The following MEI4 variants were observed in gnomAD, a reference collection of about 807,000 sequenced individuals.
The protein encoded by MEI4 is meiosis-specific protein MEI4.
A neutral mutation model predicts 31.4 loss-of-function variants in MEI4; 27 were observed. The observed-to-expected ratio is 0.86, with a 90% CI of 0.63 to 1.19. MEI4 has a LOEUF of 1.19. Ranked by LOEUF, MEI4 falls within the 50% of genes most tolerant of loss-of-function variation. The probability of loss-of-function intolerance (pLI) is 0.00; values close to 1 mark genes in which losing one functional copy is unlikely to be tolerated. For synonymous variants in MEI4, 122 were observed against 145.4 expected (o/e 0.84, Z 1.16); for missense variants, 329 against 398.9 (o/e 0.82, Z 1.49).
At chr6:77,700,575 C>G (rs1329277611) in intron 2 of MEI4, among the ~76,000 whole-genome samples, 2 of 152,188 alleles carry the variant, frequency 1.3e-5, no homozygotes, top group Non-Finnish European at 2.9e-5. Flanking sequence ...TGCTTCGGCT[C>G]ACATACGGTG....
chr6:77,804,731 G>A (rs909049639), intron 3 of MEI4, among the ~76,000 whole-genome samples: 1 of 152,082 alleles, frequency 6.6e-6, no homozygotes, highest in Non-Finnish European at 1.5e-5. Flanking sequence ...AAATATCTAC[G>A]TGATGGAGTT....
chr6:77,672,780 CA>C (rs1243776364), intron 1 of MEI4, among the ~76,000 whole-genome samples: 1 of 152,226 alleles, frequency 6.6e-6, no homozygotes, highest in Admixed American at 6.5e-5. Flanking sequence ...CCTCGTGATC[CA>C]CCTGCCTCAG....
intron 2 of MEI4, among the ~76,000 whole-genome samples, chr6:77,698,998 C>G (rs1276596480): frequency 6.6e-6 from 1 of 151,874 alleles, no homozygotes; most frequent in Non-Finnish European, 1.5e-5. Context: ...AACTTCCCTT[C>G]TCGCTTCATT....
chr6:77,808,383 T>A (rs1406796768), intron 3 of MEI4, among the ~76,000 whole-genome samples: 2 of 152,098 alleles, frequency 1.3e-5, no homozygotes, highest in African/African-American at 2.4e-5. Context: ...TAAAAAGAGA[T>A]GCTATTCAGA....
chr6:77,904,845 A>G (rs769391799), intron 4 of MEI4, among the ~76,000 whole-genome samples: 1 of 152,016 alleles, frequency 6.6e-6, no homozygotes, highest in Non-Finnish European at 1.5e-5. Context: ...ATCTTTTTAT[A>G]TTGTGTACCC....
chr6:77,676,873 T>C (rs1354028990), intron 1 of MEI4, among the ~76,000 whole-genome samples: 1 of 152,198 alleles, frequency 6.6e-6, no homozygotes, highest in Non-Finnish European at 1.5e-5. Flanking sequence ...TTTTTATGTT[T>C]GGATTCTAGC....
intron 3 of MEI4, among the ~76,000 whole-genome samples, chr6:77,794,779 G>A (rs1258718090): frequency 6.6e-6 from 1 of 151,986 alleles, no homozygotes; most frequent in East Asian, 1.9e-4. Context: ...TCTAACAGCA[G>A]CAGAATACAC....
At chr6:77,853,630 G>A (rs1562012897) in intron 4 of MEI4, among the ~76,000 whole-genome samples, 1 of 152,144 alleles carries the variant, frequency 6.6e-6, no homozygotes, top group Non-Finnish European at 1.5e-5. Context: ...ACCAAGATCT[G>A]GAGAAGTATT....
chr6:77,846,206 G>A (rs1040386288), intron 4 of MEI4, among the ~76,000 whole-genome samples: 1 of 151,734 alleles, frequency 6.6e-6, no homozygotes, highest in African/African-American at 2.4e-5. Context: ...TCTACCTCCC[G>A]GGTTCACGCC....
At chr6:77,906,569 G>T (rs1393385301) in intron 4 of MEI4, among the ~76,000 whole-genome samples, 1 of 152,150 alleles carries the variant, frequency 6.6e-6, no homozygotes, top group Admixed American at 6.6e-5. Flanking sequence ...TTATTTTCCT[G>T]CTGGAGAAGT....
intron 4 of MEI4, among the ~76,000 whole-genome samples, chr6:77,853,348 C>T (rs1348669951): frequency 2.0e-5 from 3 of 152,144 alleles, no homozygotes; most frequent in Non-Finnish European, 4.4e-5. Context: ...CTTGCATTTA[C>T]TAATGTAAGA....
At chr6:77,921,374 T>G (rs1766698597) in intron 4 of MEI4, among the ~76,000 whole-genome samples, 1 of 151,824 alleles carries the variant, frequency 6.6e-6, no homozygotes, top group African/African-American at 2.4e-5. Flanking sequence ...GAGTTAGGCC[T>G]TTTCTCTGGT....
At chr6:77,700,036 G>A (rs1017056288) in intron 2 of MEI4, among the ~76,000 whole-genome samples, 10 of 152,336 alleles carry the variant, frequency 6.6e-5, no homozygotes, top group South Asian at 2.1e-4. Flanking sequence ...TAGGCTTCTC[G>A]CGGGTCAGGG....
At chr6:77,825,802 G>C (rs1400174905) in intron 3 of MEI4, among the ~76,000 whole-genome samples, 1 of 151,942 alleles carries the variant, frequency 6.6e-6, no homozygotes, top group Non-Finnish European at 1.5e-5. Context: ...TGTCTCTCTG[G>C]CTATTGCATA....
chr6:77,727,620 C>A (rs1766861206), intron 2 of MEI4, among the ~76,000 whole-genome samples: 1 of 152,158 alleles, frequency 6.6e-6, no homozygotes, highest in Non-Finnish European at 1.5e-5. Flanking sequence ...TCTTTGGTAT[C>A]TGTGATTGTC....
intron 4 of MEI4, among the ~76,000 whole-genome samples, chr6:77,843,774 T>C (rs923148657): frequency 1.3e-5 from 2 of 152,074 alleles, no homozygotes; most frequent in Non-Finnish European, 2.9e-5. Flanking sequence ...TATGTCCTTA[T>C]TTAAAAAGGA....
At chr6:77,815,345 A>G (rs939912498) in intron 3 of MEI4, among the ~76,000 whole-genome samples, 1 of 152,144 alleles carries the variant, frequency 6.6e-6, no homozygotes, top group African/African-American at 2.4e-5. Context: ...TGTGAGCAAT[A>G]ATAATATTCT....
intron 4 of MEI4, among the ~76,000 whole-genome samples, chr6:77,887,655 T>A (rs1390634562): frequency 6.6e-6 from 1 of 152,208 alleles, no homozygotes; most frequent in African/African-American, 2.4e-5. Flanking sequence ...AAATATAATA[T>A]TGATGTTTAA....
intron 3 of MEI4, among the ~76,000 whole-genome samples, chr6:77,774,153 C>T (rs1768382372): frequency 6.6e-6 from 1 of 152,092 alleles, no homozygotes; most frequent in Non-Finnish European, 1.5e-5. Context: ...AGGAACCCCA[C>T]TGCTAGGTGT....
Sources: gnomAD v4.1 joint callset for allele counts (sites outside exome capture counted in the v4.1 genomes callset) on GRCh38, gnomAD v4.1.1 for gene constraint, MANE v1.5 for transcripts, NCBI Gene and HGNC (gene_info 2026-07-23, HGNC 2026-07-21) for gene names.